Variants in RARB observed in about 807,000 individuals in gnomAD.
RARB encodes HBV-activated protein.
Under a neutral mutation model 51.9 loss-of-function variants are expected in RARB, and 17 were observed. The ratio of observed to expected loss-of-function variants is 0.33; its 90% CI spans 0.22 to 0.49. The LOEUF is 0.49. Among genes scored for constraint, RARB ranks in the 20% least tolerant of loss-of-function variants. The pLI is 0.99. For missense variants in RARB, 369 were observed against 550.8 expected, an observed-to-expected ratio of 0.67 and a Z score of 3.30; for synonymous variants, 215 against 195.4, an observed-to-expected ratio of 1.10 and a Z score of -0.84.
upstream of RARB, among the ~76,000 whole-genome samples, chr3:25,425,946 A>G (rs1328725726): frequency 1.3e-5 from 2 of 152,180 alleles, no homozygotes; most frequent in African/African-American, 4.8e-5. Flanking sequence ...CAGTGATGCC[A>G]TGTTTCTCAT....
chr3:25,199,178 G>A (rs1045450004), intron 5 of RARB, among the ~76,000 whole-genome samples: 1 of 152,078 alleles, frequency 6.6e-6, no homozygotes, highest in Admixed American at 6.6e-5. Context: ...ATTATGTTAA[G>A]TGAAATAAGA....
chr3:25,163,539 T>TATA (rs1700510431), intron 4 of RARB, among the ~76,000 whole-genome samples: 1 of 120,570 alleles, frequency 8.3e-6, no homozygotes, highest in African/African-American at 3.3e-5. Context: ...ATATATATAT[T>TATA]TGTTTATTTG....
chr3:25,211,613 T>C (rs1559507720), intron 5 of RARB, among the ~76,000 whole-genome samples: 1 of 152,228 alleles, frequency 6.6e-6, no homozygotes, highest in Non-Finnish European at 1.5e-5. Flanking sequence ...AAATCTGAAA[T>C]TCAAAATGTA....
intron 1 of RARB, among the ~76,000 whole-genome samples, chr3:24,852,756 A>G (rs1219903363): frequency 6.6e-6 from 1 of 152,222 alleles, no homozygotes; most frequent in Non-Finnish European, 1.5e-5. Flanking sequence ...ATAAACGACA[A>G]CAAATAGTGT....
chr3:25,053,767 A>T (rs1698384342), intron 2 of RARB, among the ~76,000 whole-genome samples: 1 of 152,202 alleles, frequency 6.6e-6, no homozygotes, highest in African/African-American at 2.4e-5. Context: ...GTTTCTGTAG[A>T]GTACCCAAAT....
chr3:25,580,368 C>T (rs537033185), intron 4 of RARB, among the ~76,000 whole-genome samples, 178 bp from the exon 5 acceptor site: 7 of 152,252 alleles, frequency 4.6e-5, no homozygotes, highest in South Asian at 4.1e-4. Flanking sequence ...AGCGAGACTC[C>T]GTCTCACACA....
At chr3:25,551,256 G>A (rs1328996068) in intron 3 of RARB, among the ~76,000 whole-genome samples, 2 of 152,116 alleles carry the variant, frequency 1.3e-5, no homozygotes, top group East Asian at 1.9e-4. Context: ...TGTGGAACCC[G>A]GCAGCCCATT....
intron 1 of RARB, among the ~76,000 whole-genome samples, chr3:24,852,467 A>G (rs1702572514): frequency 6.6e-6 from 1 of 152,194 alleles, no homozygotes; most frequent in Non-Finnish European, 1.5e-5. Context: ...AAAAAAAGTT[A>G]AACATAGATT....
intron 3 of RARB, among the ~76,000 whole-genome samples, chr3:25,073,229 A>AAGG (rs1698805569): frequency 6.6e-6 from 1 of 152,218 alleles, no homozygotes. Flanking sequence ...GACGATCATG[A>AAGG]AGGAGGTAAC....
intron 2 of RARB, among the ~76,000 whole-genome samples, chr3:24,861,780 G>A (rs1333625606): frequency 6.6e-6 from 1 of 152,134 alleles, no homozygotes; most frequent in Admixed American, 6.5e-5. Flanking sequence ...AAACTGCACT[G>A]TAACTGATGA....
upstream of RARB, among the ~76,000 whole-genome samples, chr3:25,426,482 C>T (rs754418343): frequency 2.3e-4 from 35 of 152,216 alleles, no homozygotes; most frequent in Non-Finnish European, 4.9e-4. Flanking sequence ...CCACAAGTGC[C>T]ACTTAGCAAC....
At position 25,403,026 on chromosome 3, in the gene RARB, G is replaced by A. The variant is rs1458253506; in HGVS notation, c.179-58167G>A. 2.0e-5 allele frequency among the ~76,000 whole-genome samples: 3 copies of A among 152,074 alleles called. No homozygotes were observed. In the South Asian group the frequency reaches 6.2e-4, roughly 32 times the overall value. On this transcript the variant is annotated intron_variant, in intron 5 of 11. Transcript: ENST00000383772. Reference sequence around the variant, plus strand: ...AAAAACACAAAAATTAGCTGGGCATGGTGGTGGGCGCCTGTAGTCCCAGCT... The same window carrying A: ...AAAAACACAAAAATTAGCTGGGCATAGTGGTGGGCGCCTGTAGTCCCAGCT...
intron 3 of RARB, among the ~76,000 whole-genome samples, chr3:25,521,707 G>A (rs1474127392): frequency 6.6e-6 from 1 of 152,174 alleles, no homozygotes; most frequent in Non-Finnish European, 1.5e-5. Flanking sequence ...GTGGCCATGG[G>A]CAAGTCACTT....
At position 25,336,443 on chromosome 3, in the gene RARB, G is replaced by A. The variant is rs774584509; in HGVS notation, c.179-124750G>A. The stretch of plus-strand genomic sequence containing the variant: ...TAATAAAATGTATTTTATTCATTTA[G>A]TATTTGTTTAATGGCTTCTTATTGT... On this transcript the variant is annotated intron_variant, in intron 5 of 11. Coordinates refer to the RARB transcript ENST00000383772. Among the ~76,000 whole-genome samples the A allele has an allele frequency of 2.3e-4, 35 of 152,134 alleles. 1 individual carries two copies. The highest frequency in any genetic ancestry group is 1.4e-3 in the Admixed American group (21 of 15,256).
Position 25,061,857 on chromosome 3 carries a change from T to C in RARB, c.-328+1681T>C, listed in dbSNP as rs77310463. On this transcript the variant is annotated intron_variant, in intron 3 of 11. Transcript: ENST00000383772. ...TTTTGAAAAAAGAACTTACCCAACT[T>C]AGTAACACAGCATATACTCTAATAA... 4.0e-3 allele frequency among the ~76,000 whole-genome samples: 613 copies of C among 151,940 alleles called. 2 individuals carry two copies. Among genetic ancestry groups the C allele is most frequent in the African/African-American group, 0.014 (585 of 41,532 alleles).
chr3:25,012,838 C>A (rs1353570737), intron 2 of RARB, among the ~76,000 whole-genome samples: 1 of 151,972 alleles, frequency 6.6e-6, no homozygotes, highest in Non-Finnish European at 1.5e-5. Flanking sequence ...ACGGTAGGCA[C>A]AACTGAAAGA....
At chr3:25,481,242 G>A (rs896411829) in intron 2 of RARB, among the ~76,000 whole-genome samples, 2 of 152,058 alleles carry the variant, frequency 1.3e-5, no homozygotes, top group African/African-American at 4.8e-5. Context: ...TTTAAGTATT[G>A]GCAATGTATT....
chr3:25,133,178 A>G, intron 4 of RARB, among the ~76,000 whole-genome samples: 1 of 152,144 alleles, frequency 6.6e-6, no homozygotes, highest in Middle Eastern at 3.4e-3. Context: ...CGTGAAATAA[A>G]TTTATTAAGA....
intron 2 of RARB, among the ~76,000 whole-genome samples, chr3:24,934,843 A>G (rs1695517120): frequency 6.6e-6 from 1 of 152,262 alleles, no homozygotes; most frequent in Middle Eastern, 3.4e-3. Context: ...TTTAAAGCCT[A>G]TGAGTGATGA....
Sources: allele counts gnomAD v4.1 joint callset (sites outside exome capture counted in the v4.1 genomes callset), GRCh38; gene constraint gnomAD v4.1.1; transcripts MANE v1.5; gene names NCBI Gene and HGNC (gene_info 2026-07-23, HGNC 2026-07-21).